Variants in DMPK observed in about 807,000 individuals in gnomAD.
DMPK encodes myotonin-protein kinase.
DMPK carries 32 observed loss-of-function variants against 70.3 expected under a neutral mutation model. The observed-to-expected ratio is 0.46, with a 90% CI of 0.34 to 0.61. DMPK has a LOEUF of 0.61. Among genes scored for constraint, DMPK ranks in the 20% least tolerant of loss-of-function variants. DMPK has a pLI of 0.01. For missense variants in DMPK, 899 were observed against 886.0 expected, an observed-to-expected ratio of 1.01 and a Z score of -0.19; for synonymous variants, 469 against 390.9, an observed-to-expected ratio of 1.20 and a Z score of -2.36.
intron 1 of DMPK, 142 bp from the exon 2 acceptor site, chr19:45,780,011 C>T (rs2146259234): frequency 6.4e-7 from 1 of 1,553,874 alleles, no homozygotes; most frequent in Non-Finnish European, 8.7e-7. Context: ...CAGGGGCTTC[C>T]CCACATAAAC....
chr19:45,781,463 G>A (rs1364426756), intron 1 of DMPK, among the ~76,000 whole-genome samples: 1 of 152,118 alleles, frequency 6.6e-6, no homozygotes, highest in Non-Finnish European at 1.5e-5. Flanking sequence ...AGAACTAAAG[G>A]ACGCAGGGAC....
intron 5 of DMPK, 89 bp from the exon 6 acceptor site, chr19:45,778,309 G>A (rs981853246): frequency 4.2e-5 from 60 of 1,413,268 alleles, no homozygotes; most frequent in Admixed American, 2.3e-4. Context: ...TGCCACCTGG[G>A]ACCCCACTTC....
chr19:45,771,269 T>C, intron 13 of DMPK, 81 bp downstream of exon 13: 1 of 1,521,060 alleles, frequency 6.6e-7, no homozygotes, highest in South Asian at 1.3e-5. Context: ...GCCCTATATC[T>C]GGACGGGGAG....
chr19:45,779,963 C>G (rs771472462), intron 1 of DMPK, 94 bp from the exon 2 acceptor site: 5 of 1,589,032 alleles, frequency 3.1e-6, no homozygotes, highest in African/African-American at 2.7e-5. Context: ...CTCCCCTTCT[C>G]TCTGCCTCTC....
chr19:45,782,161 C>CAAA, intron 1 of DMPK, 32 bp downstream of exon 1: 1 of 1,388,318 alleles, frequency 7.2e-7, no homozygotes, highest in Non-Finnish European at 9.6e-7. Flanking sequence ...ACCCCCACCC[C>CAAA]ATCTGCAGGA....
intron 13 of DMPK, 59 bp downstream of exon 13, chr19:45,771,291 G>A (rs1413410474): frequency 2.6e-6 from 4 of 1,546,964 alleles, no homozygotes; most frequent in South Asian, 2.5e-5. Flanking sequence ...CCAGGAGCCA[G>A]GGAGGGGATC....
intron 1 of DMPK, 81 bp downstream of exon 1, chr19:45,782,111 CA>C: frequency 2.2e-6 from 2 of 908,182 alleles, no homozygotes; most frequent in East Asian, 4.3e-5. Flanking sequence ...CCTGCCCCCC[CA>C]ACAGCCAGGC....
At chr19:45,779,755 G>C (rs1200351811) in intron 2 of DMPK, 23 bp downstream of exon 2, 8 of 1,541,450 alleles carry the variant, frequency 5.2e-6, no homozygotes. Context: ...AGTCAAGTCA[G>C]GCTCCCGCCC....
At chr19:45,773,753 A>C (rs1469610607) in intron 9 of DMPK, among the ~76,000 whole-genome samples, 1 of 152,058 alleles carries the variant, frequency 6.6e-6, no homozygotes, top group East Asian at 1.9e-4. Context: ...TGATTCTCCT[A>C]CTTCAGACTC....
chr19:45,773,809 T>C (rs947619481), intron 9 of DMPK, among the ~76,000 whole-genome samples: 3 of 152,044 alleles, frequency 2.0e-5, no homozygotes, highest in African/African-American at 7.2e-5. Context: ...CCTGGCACGA[T>C]TTTTTCAATT....
chr19:45,780,418 A>G, intron 1 of DMPK: 1 of 1,365,504 alleles, frequency 7.3e-7, no homozygotes, highest in Middle Eastern at 2.0e-4. Context: ...CAAAGGTAGC[A>G]TGGTCACATA....
In DMPK at chr19:45,772,710, G is replaced by T. The variant is rs140685882; in HGVS notation, c.1275C>A (p.Ala425=). The T allele has an allele frequency of 7.2e-6, 11 of 1,520,054 alleles. No individual in the cohort carries two copies. Among genetic ancestry groups the T allele is most frequent in the African/African-American group, 1.5e-5 (1 of 68,334 alleles). 94.2% of individuals were successfully genotyped at this position (1,520,054 alleles called of 1,614,324 possible). A position where few individuals can be genotyped will look rare whatever the true frequency, so the allele number is the denominator to read the frequency against. Residue 425 remains alanine (A), a synonymous_variant, in exon 10 of 15, where the codon GCC becomes GCA. Transcript: ENST00000291270. ...GCACGTGTGGCTCAAGCAGCTGCTC[G>T]GCCTCCAGTTCCATGGGTGTGGGGC... ...VPGPTPMELE[A]EQLLEPHVQA...
In DMPK at chr19:45,778,210, G is replaced by A; in HGVS notation, c.592C>T (p.Pro198Ser). The A allele has an allele frequency of 1.9e-6, 3 of 1,613,580 alleles. No individual in the cohort carries two copies. Among genetic ancestry groups the A allele is most frequent in the Non-Finnish European group, 2.5e-6 (3 of 1,179,758 alleles). Reference sequence around the variant, plus strand: ...CAGCGGTCCAGCAGGATGTTGTCGGGTTTGATGTCCCTGCACGGAGGAAAA... The same window carrying A: ...CAGCGGTCCAGCAGGATGTTGTCGGATTTGATGTCCCTGCACGGAGGAAAA... Reference protein sequence around the residue: ...RLGYVHRDIKPDNILLDRCGH... With the variant: ...RLGYVHRDIKSDNILLDRCGH... The change falls in exon 6 of 15, where the codon CCC becomes TCC. Residue 198 changes from proline to serine, a missense_variant. Pro to Ser is a moderately conservative substitution (Grantham distance 74, BLOSUM62 -1). Transcript: ENST00000291270.
In DMPK at chr19:45,775,043, G is replaced by A; in HGVS notation, c.1147-9C>T. The A allele has an allele frequency of 1.2e-6, 2 of 1,612,220 alleles. No homozygotes were observed. The highest frequency in any genetic ancestry group is 1.7e-6 in the Non-Finnish European group (2 of 1,178,892). The stretch of plus-strand genomic sequence containing the variant: ...ATGTCCGACAGTGTCTCCTGCGCAA[G>A]ACACACAGATGTGAGCAGCAGTCGT... On this transcript the variant is annotated splice_polypyrimidine_tract_variant and intron_variant, in intron 8 of 14. Transcript: ENST00000291270.
At chr19:45,770,935 G>A (rs937784339) in intron 14 of DMPK, 36 bp downstream of exon 14, 18 of 1,377,924 alleles carry the variant, frequency 1.3e-5, no homozygotes, top group Non-Finnish European at 1.6e-5. Flanking sequence ...AGCGCGGGGC[G>A]CGACGGCGGA....
At chr19:45,782,110 C>T (rs965280335) in intron 1 of DMPK, 83 bp downstream of exon 1, 2 of 899,844 alleles carry the variant, frequency 2.2e-6, no homozygotes, top group African/African-American at 1.7e-5. Context: ...TCCTGCCCCC[C>T]CAACAGCCAG....
rs1441392704 is a variant in DMPK at position 45,770,070 on chromosome 19, G to A, written c.*418C>T. The A allele has an allele frequency of 4.0e-6, 2 of 496,438 alleles. No homozygotes were observed. Among genetic ancestry groups the A allele is most frequent in the African/African-American group, 4.0e-5 (2 of 49,958 alleles). The allele number at this position is 496,438 out of a possible 1,614,324, so 30.8% of individuals were successfully genotyped here. On this transcript the variant is annotated 3_prime_UTR_variant, in exon 15 of 15. Coordinates refer to ENST00000291270, the MANE Select transcript of DMPK (RefSeq NM_004409.5). ...TGCACAAGAAAGCTTTGCACTTTGC[G>A]AACCAACGATAGGTGGGGGTGCGTG... is the stretch of plus-strand genomic sequence containing the variant.
chr19:45,770,484 G>A lies in DMPK; in HGVS notation c.*4C>T, dbSNP rs201009043. 29 of 1,550,244 alleles carry A rather than the reference G, an allele frequency of 1.9e-5. No individual in the cohort carries two copies. In the African/African-American group the frequency reaches 3.7e-4, roughly 20 times the overall value. The stretch of plus-strand genomic sequence containing the variant: ...GGCCCCGGAGTCGAAGACAGTTCTA[G>A]GGTTCAGGGAGCGCGGGCGGCTCCT... On this transcript the variant is annotated 3_prime_UTR_variant, in exon 15 of 15. Coordinates refer to ENST00000291270, the MANE Select transcript of DMPK (RefSeq NM_004409.5).
In DMPK at chr19:45,778,529, G is replaced by T; in HGVS notation, c.545C>A (p.Ala182Asp). 1 of 1,613,912 alleles carries T rather than the reference G, an allele frequency of 6.2e-7. No individual in the cohort carries two copies. Among genetic ancestry groups the T allele is most frequent in the Non-Finnish European group, 8.5e-7 (1 of 1,180,026 alleles). ...GCCAAGCCGGTGCACCGAGTCTATG[G>T]CCATGACAATCTCCGCCAGGTAGAA... is the stretch of plus-strand genomic sequence containing the variant. ...ARFYLAEIVMAIDSVHRLGYV... is the reference protein window; with the variant it reads ...ARFYLAEIVMDIDSVHRLGYV... Residue 182 changes from alanine (A) to aspartate (D), a missense_variant, in exon 5 of 15, where the codon GCC becomes GAC. Coordinates refer to ENST00000291270, the MANE Select transcript of DMPK (RefSeq NM_004409.5).
Sources: allele counts gnomAD v4.1 joint callset (sites outside exome capture counted in the v4.1 genomes callset), GRCh38; gene constraint gnomAD v4.1.1; transcripts MANE v1.5; gene names NCBI Gene and HGNC (gene_info 2026-07-23, HGNC 2026-07-21).